Variants in C3 observed in about 807,000 individuals in gnomAD.
C3 encodes the protein C3 and PZP-like alpha-2-macroglobulin domain-containing protein 1.
C3 carries 97 observed loss-of-function variants against 207.9 expected under a neutral mutation model. That is an observed-to-expected ratio of 0.47 (90% CI 0.40 to 0.55). The LOEUF (loss-of-function observed/expected upper bound fraction) is 0.55, where lower values mean the gene tolerates loss of function less well. Among genes scored for constraint, C3 ranks in the 20% least tolerant of loss-of-function variants. The pLI is 0.00. For synonymous variants in C3, 848 were observed against 857.6 expected (o/e 0.99, Z 0.20); for missense variants, 1,684 against 2,171.7 (o/e 0.78, Z 4.46).
chr19:6,713,441 C>A lies in C3; in HGVS notation c.842G>T (p.Arg281Met). The A allele has an allele frequency of 6.2e-7, 1 of 1,613,960 alleles. No individual in the cohort carries two copies. The highest frequency in any genetic ancestry group is 8.5e-7 in the Non-Finnish European group (1 of 1,179,946). Residue 281 changes from arginine (R) to methionine (M), a missense_variant, in exon 8 of 41, where the codon AGG becomes ATG. Around this residue, in one of 3 missense-constraint regions of C3, gnomAD observed 1,280 missense variants for 1,739.1 expected, o/e 0.74. Transcript: ENST00000245907. ...CTTGAGGGATTCAGGCAGGGAAATC[C>A]TCTGTTCGCCATCCTGGATCCCGAA... is the stretch of plus-strand genomic sequence containing the variant. ...VIFGIQDGEQRISLPESLKRI... is the reference protein window; with the variant it reads ...VIFGIQDGEQMISLPESLKRI...
At chr19:6,689,360 C>CCTCTCTCTCTCT (rs1218148901) in intron 27 of C3, among the ~76,000 whole-genome samples, 1 of 16,546 alleles carries the variant, frequency 6.0e-5, no homozygotes, top group African/African-American at 2.7e-4. Context: ...TCCCTCCCTC[C>CCTCTCTCTCTCT]CTCTCTCTCT....
rs1231757972 is a variant in C3 at position 6,678,163 on chromosome 19, T to C, written c.4839A>G (p.Gly1613=). The change falls in exon 40 of 41, where the codon GGA becomes GGG. Residue 1613 remains glycine (G), a synonymous_variant. Transcript: ENST00000245907. ...LMWGLSSDFW[G]EKPNLSYIIG... ...GGGAAAGCACTCACTTGGGCTTCTC[T>C]CCCCAGAAATCGGAGGAGAGACCCC... 1 of 1,614,150 alleles carries C rather than the reference T, an allele frequency of 6.2e-7. No individual in the cohort carries two copies. Among genetic ancestry groups the C allele is most frequent in the South Asian group, 1.1e-5 (1 of 91,084 alleles).
intron 26 of C3, among the ~76,000 whole-genome samples, chr19:6,691,229 T>G (rs184735325): frequency 1.4e-3 from 214 of 152,178 alleles, no homozygotes; most frequent in Non-Finnish European, 2.0e-3. Flanking sequence ...AATTTTTTTG[T>G]ATTTAGTAGA....
chr19:6,680,099 A>G, intron 36 of C3, 59 bp downstream of exon 36: 1 of 898,496 alleles, frequency 1.1e-6, no homozygotes, highest in Admixed American at 1.7e-5. Context: ...ATTCATATAT[A>G]CCTGGGACTC....
Position 6,707,752 on chromosome 19 carries a change from G to A in C3, c.1975+48C>T, listed in dbSNP as rs769485532. On this transcript the variant is annotated intron_variant, in intron 15 of 40. Coordinates refer to ENST00000245907, the MANE Select transcript of C3 (RefSeq NM_000064.4). ...AGAGCTCTGCTCCCAGCATCTGGGA[G>A]GTGGAGGTGCTGTCTGTCCCTGCAC... 6.2e-6 allele frequency: 10 copies of A among 1,609,592 alleles called. No homozygotes were observed. In the African/African-American group the frequency reaches 9.4e-5, roughly 15 times the overall value.
At chr19:6,710,063 C>CAA (rs1967873407) in intron 13 of C3, among the ~76,000 whole-genome samples, 1 of 62,876 alleles carries the variant, frequency 1.6e-5, no homozygotes, top group African/African-American at 7.1e-5. Flanking sequence ...GGGAGAGAGA[C>CAA]GGAGAGACAG....
chr19:6,708,127 T>C (rs1446085785), intron 14 of C3, among the ~76,000 whole-genome samples, 198 bp from the exon 15 acceptor site: 1 of 95,658 alleles, frequency 1.0e-5, no homozygotes, highest in African/African-American at 4.6e-5. Context: ...TTTCTTTCTC[T>C]TTCTCACTCT....
chr19:6,710,531 G>T, intron 13 of C3, 108 bp downstream of exon 13: 1 of 828,710 alleles, frequency 1.2e-6, no homozygotes, highest in Non-Finnish European at 2.0e-6. Context: ...AGAGAAAGGA[G>T]AGAGAAAAGG....
rs1918022101 is a variant in C3, at chr19:6,686,872, C to A, written c.3520G>T (p.Asp1174Tyr). The A allele has an allele frequency of 1.2e-6, 2 of 1,614,108 alleles. No homozygotes were observed. Among genetic ancestry groups the A allele is most frequent in the East Asian group, 2.2e-5 (1 of 44,894 alleles). The change falls in exon 28 of 41, where the codon GAC (aspartate) becomes TAC (tyrosine). Residue 1174 changes from aspartate (D) to tyrosine (Y), a missense_variant. Physicochemically the swap from Asp to Tyr is radical, Grantham distance 160. Around this residue, in one of 3 missense-constraint regions of C3, gnomAD observed 1,280 missense variants for 1,739.1 expected, o/e 0.74. Transcript: ENST00000245907. ...SLPGSITKAG[D>Y]FLEANYMNLQ... ...TTCATGTAGTTGGCTTCAAGGAAGT[C>A]TCCTGCTTTAGTGATGCTGCCTGGC...
chr19:6,709,611 T>TCCCCCCCCCCCCCCCCCCCCCCCCCCC, intron 14 of C3, 73 bp downstream of exon 14: 2 of 1,109,440 alleles, frequency 1.8e-6, no homozygotes, highest in Admixed American at 3.5e-5. Flanking sequence ...CCCTCTCCAG[T>TCCCCCCCCCCCCCCCCCCCCCCCCCCC]CCCACCCACC....
intron 10 of C3, 28 bp from the exon 11 acceptor site, chr19:6,712,434 G>A (rs778148542): frequency 1.2e-6 from 2 of 1,614,182 alleles, no homozygotes; most frequent in East Asian, 2.2e-5. Flanking sequence ...GGTGGGGGAA[G>A]TTCAGGCAGG....
In C3 at chr19:6,684,025, G is replaced by A. The variant is rs145831850; in HGVS notation, c.4172+363C>T. ...GAGGCAGGAGGATCGCTTGAGCCAG[G>A]GAGTTTGAGGTTACAGTGAGCTATG... On this transcript the variant is annotated intron_variant, in intron 33 of 40. Transcript: ENST00000245907. 2.9e-3 allele frequency among the ~76,000 whole-genome samples: 439 copies of A among 152,336 alleles called. 1 individual carries two copies. Among genetic ancestry groups the A allele is most frequent in the African/African-American group, 9.7e-3 (403 of 41,574 alleles).
intron 19 of C3, among the ~76,000 whole-genome samples, chr19:6,699,846 A>T (rs755088501): frequency 6.6e-6 from 1 of 151,708 alleles, no homozygotes; most frequent in East Asian, 1.9e-4. Flanking sequence ...CTTTTTACAA[A>T]ATGTTGAAAT....
chr19:6,713,951 CCTCACCTGGCT>C (rs1967978115), intron 7 of C3, 30 bp downstream of exon 7: 1 of 1,400,322 alleles, frequency 7.1e-7, no homozygotes. Flanking sequence ...TCACCTGGTC[CCTCACCTGGCT>C]CTTACCTGGC....
At chr19:6,678,650 C>T (rs558062618) in intron 38 of C3, among the ~76,000 whole-genome samples, 195 bp from the exon 39 acceptor site, 46 of 152,232 alleles carry the variant, frequency 3.0e-4, no homozygotes, top group Non-Finnish European at 5.6e-4. Flanking sequence ...CACACACAGT[C>T]GTGCTCATAG....
At position 6,719,314 on chromosome 19, in the gene C3, A is replaced by G. The variant is rs1477866705; in HGVS notation, c.164T>C (p.Val55Ala). The part of the protein sequence containing the change: ...EAHDAQGDVP[V>A]TVTVHDFPGK... ...TGGGAAGTCGTGGACAGTAACAGTG[A>G]CTGGAACATCCCCTTGCGCGTCGTG... The change falls in exon 2 of 41, where the codon GTC becomes GCC. Residue 55 changes from valine (V) to alanine (A), a missense_variant. By Grantham distance (64) the Val-to-Ala change is moderately conservative. Transcript: ENST00000245907. This position sits in a 1 kb window ranked among gnomAD's most constrained non-coding sequence, Gnocchi z 5.4. 5 of 1,614,026 alleles carry G rather than the reference A, an allele frequency of 3.1e-6. No homozygotes were observed. Among genetic ancestry groups the G allele is most frequent in the Admixed American group, 1.7e-5 (1 of 60,008 alleles).
intron 32 of C3, 52 bp downstream of exon 32, chr19:6,684,508 A>C (rs11569542): frequency 1.3e-6 from 2 of 1,574,330 alleles, no homozygotes; most frequent in African/African-American, 2.7e-5. Flanking sequence ...CGGGGAAGAC[A>C]TTAGAAGAGG....
At chr19:6,720,098 C>T (rs894487107) in intron 1 of C3, among the ~76,000 whole-genome samples, 6 of 152,218 alleles carry the variant, frequency 3.9e-5, no homozygotes, top group African/African-American at 1.4e-4. Flanking sequence ...ACACCACATA[C>T]ACCCTAAACC....
Position 6,712,500 on chromosome 19 carries a change from G to A in C3, c.1119+8C>T. ...AGGAGTGGGACCCCTTCCCGCCCCGGGTCTCACCATGAGGTCAAAGGGCAT... is the reference window on the plus strand; with the variant it reads ...AGGAGTGGGACCCCTTCCCGCCCCGAGTCTCACCATGAGGTCAAAGGGCAT... On this transcript the variant is annotated splice_region_variant and intron_variant, in intron 10 of 40. Transcript: ENST00000245907. 2 of 1,614,006 alleles carry A rather than the reference G, an allele frequency of 1.2e-6. No individual in the cohort carries two copies. The highest frequency in any genetic ancestry group is 1.7e-6 in the Non-Finnish European group (2 of 1,179,858).
Sources: gnomAD v4.1 joint callset for allele counts (sites outside exome capture counted in the v4.1 genomes callset) on GRCh38, gnomAD v4.1.1 for gene constraint, gnomAD v4.1.1 regional missense constraint, Gnocchi (gnomAD v3.1) non-coding constraint, MANE v1.5 for transcripts, NCBI Gene and HGNC (gene_info 2026-07-23, HGNC 2026-07-21) for gene names.